Variants in IL31RA observed in about 807,000 individuals in gnomAD.
IL31RA encodes interleukin-31 receptor subunit alpha.
In IL31RA, 66 loss-of-function variants were observed where a neutral mutation model predicts 83.7. That is an observed-to-expected ratio of 0.79 (90% CI 0.65 to 0.97). The LOEUF is 0.97. IL31RA is among the 50% of genes least tolerant of loss of function. The pLI, the probability that IL31RA is intolerant of heterozygous loss-of-function variation, is 0.00. For synonymous variants in IL31RA, 325 were observed against 329.0 expected, an observed-to-expected ratio of 0.99 and a Z score of 0.13; for missense variants, 798 against 919.4, an observed-to-expected ratio of 0.87 and a Z score of 1.71.
intron 2 of IL31RA, among the ~76,000 whole-genome samples, chr5:55,860,857 A>G (rs1041083187): frequency 1.3e-5 from 2 of 152,106 alleles, no homozygotes; most frequent in African/African-American, 2.4e-5. Flanking sequence ...ACAGAAATTT[A>G]TTTTCTCACG....
intron 8 of IL31RA, among the ~76,000 whole-genome samples, chr5:55,900,380 A>T (rs1048369145): frequency 6.6e-6 from 1 of 152,218 alleles, no homozygotes; most frequent in Non-Finnish European, 1.5e-5. Flanking sequence ...AAAGCCATAC[A>T]CCTAGAAGTT....
intron 13 of IL31RA, among the ~76,000 whole-genome samples, chr5:55,914,042 G>A (rs1580747981): frequency 6.6e-6 from 1 of 152,354 alleles, no homozygotes; most frequent in Non-Finnish European, 1.5e-5. Context: ...GCAGTGTTGA[G>A]GGTCTGGCTG....
intron 1 of IL31RA, among the ~76,000 whole-genome samples, chr5:55,853,757 T>C (rs1440066181): frequency 6.6e-6 from 1 of 152,186 alleles, no homozygotes; most frequent in Non-Finnish European, 1.5e-5. Context: ...GAGATCAGAA[T>C]GGAGAATCAT....
chr5:55,891,125 A>C (rs1309184360), intron 6 of IL31RA, among the ~76,000 whole-genome samples: 2 of 152,128 alleles, frequency 1.3e-5, no homozygotes, highest in Non-Finnish European at 2.9e-5. Flanking sequence ...TTATCCTCCT[A>C]CTATTATTTT....
rs1289014083 is a variant in IL31RA, at chr5:55,893,832, G to T, written c.773-2518G>T. Among the ~76,000 whole-genome samples, 9 of 121,588 alleles carry T rather than the reference G, an allele frequency of 7.4e-5. No individual in the cohort carries two copies. The East Asian group carries it at 1.6e-3, about 22-fold the overall frequency. The allele number at this position is 121,588 out of a possible 152,430, so 79.8% of individuals were successfully genotyped here. A position where few individuals can be genotyped will look rare whatever the true frequency, so the allele number is the denominator to read the frequency against. On this transcript the variant is annotated intron_variant, in intron 6 of 14. Transcript: ENST00000652347. ...TAATTTTTTTTTTTTTTTTTTTTGA[G>T]ACGGGGTCTCACTCTGTCACCCAGA...
intron 4 of IL31RA, among the ~76,000 whole-genome samples, chr5:55,874,045 T>C (rs1746688944): frequency 6.6e-6 from 1 of 152,028 alleles, no homozygotes; most frequent in Non-Finnish European, 1.5e-5. Flanking sequence ...TATTGATCCA[T>C]TTTGAGTTAA....
At chr5:55,906,583 T>A (rs1749174038) in intron 9 of IL31RA, among the ~76,000 whole-genome samples, 1 of 152,138 alleles carries the variant, frequency 6.6e-6, no homozygotes, top group South Asian at 2.1e-4. Context: ...CATGGATAAC[T>A]CCAGAATGTG....
chr5:55,906,433 G>A (rs896810716), intron 9 of IL31RA, 145 bp downstream of exon 9: 17 of 817,416 alleles, frequency 2.1e-5, no homozygotes, highest in African/African-American at 1.4e-4. Context: ...GAAGTGACAC[G>A]CTTCTTGGTA....
At chr5:55,855,944 T>C (rs1488318676) in intron 1 of IL31RA, among the ~76,000 whole-genome samples, 2 of 152,244 alleles carry the variant, frequency 1.3e-5, no homozygotes, top group African/African-American at 4.8e-5. Flanking sequence ...TAACCCAGGC[T>C]GGGGTGCAGT....
chr5:55,865,388 G>T (rs1293800705), intron 2 of IL31RA, among the ~76,000 whole-genome samples: 2 of 152,102 alleles, frequency 1.3e-5, no homozygotes, highest in South Asian at 4.1e-4. Context: ...AGCGAGAAAA[G>T]TTGACACAAC....
chr5:55,853,819 T>A (rs1483933928), intron 1 of IL31RA, among the ~76,000 whole-genome samples: 3 of 152,170 alleles, frequency 2.0e-5, no homozygotes, highest in African/African-American at 7.2e-5. Flanking sequence ...TGGATTTATC[T>A]TTCAGGAAAC....
rs551588864 is a variant in IL31RA, at chr5:55,910,597, A to C, written c.1567A>C (p.Ile523Leu). ...GTCCCTGAAACGAAAGACCTCTTAC[A>C]TTGTTCAGGTCATGGCCAGCACCAG... ...LESLKRKTSYIVQVMASTSAG... is the reference protein window; with the variant it reads ...LESLKRKTSYLVQVMASTSAG... The change falls in exon 12 of 15, where the codon ATT becomes CTT. Residue 523 changes from isoleucine (I) to leucine (L), a missense_variant. By Grantham distance (5) the Ile-to-Leu change is conservative. Coordinates refer to ENST00000652347, the MANE Select transcript of IL31RA (RefSeq NM_139017.7). 1 of 1,614,090 alleles carries C rather than the reference A, an allele frequency of 6.2e-7. No individual in the cohort carries two copies. The highest frequency in any genetic ancestry group is 8.5e-7 in the Non-Finnish European group (1 of 1,179,958).
At position 55,878,376 on chromosome 5, in the gene IL31RA, T is replaced by C. The variant is rs191476785; in HGVS notation, c.455-4668T>C. On this transcript the variant is annotated intron_variant, in intron 4 of 14. Coordinates refer to ENST00000652347, the MANE Select transcript of IL31RA (RefSeq NM_139017.7). ...GACAGTTTCTGTGGATTTGTTTTGT[T>C]TACTTAAATGGGCCATGTTTTCCTG... Among the ~76,000 whole-genome samples, 350 of 152,318 alleles carry C rather than the reference T, an allele frequency of 2.3e-3. 1 individual carries two copies. Among genetic ancestry groups the C allele is most frequent in the African/African-American group, 7.6e-3 (314 of 41,564 alleles).
At position 55,890,023 on chromosome 5, in the gene IL31RA, C is replaced by A. The variant is rs1233438256; in HGVS notation, c.660C>A (p.Leu220=). ...AGGATAAAAACCAAACGTACAACCT[C>A]ACGGGGCTGCAGCCTTTTACAGAAT... ...NRKDKNQTYN[L]TGLQPFTEYV... is the part of the protein sequence containing the mutation. The change falls in exon 6 of 15, where the codon CTC becomes CTA. Residue 220 remains leucine (L), a synonymous_variant. Transcript: ENST00000652347. The A allele has an allele frequency of 6.2e-7, 1 of 1,613,920 alleles. No homozygotes were observed. The highest frequency in any genetic ancestry group is 2.2e-5 in the East Asian group (1 of 44,892).
rs111693133 is a variant in IL31RA, at chr5:55,921,683, G to A, written c.*4563G>A. ...GTGAGCTTGATTTTGTCAATTTATC[G>A]GGAATAGTTAATGAAACTTTATAGT... On this transcript the variant is annotated 3_prime_UTR_variant, in exon 15 of 15. Coordinates refer to ENST00000652347, the MANE Select transcript of IL31RA (RefSeq NM_139017.7). 4.6e-5 allele frequency among the ~76,000 whole-genome samples: 7 copies of A among 152,174 alleles called. No individual in the cohort carries two copies. Among genetic ancestry groups the A allele is most frequent in the African/African-American group, 9.6e-5 (4 of 41,516 alleles).
Position 55,868,675 on chromosome 5 carries a change from C to G in IL31RA, c.155-116C>G. On this transcript the variant is annotated intron_variant, in intron 2 of 14. Transcript: ENST00000652347. ...TTGCTAGGTTACACCTAGCAACTAA[C>G]CAAAAAAATCTAGCTTTTGATCAGC... The G allele has an allele frequency of 3.9e-6, 3 of 778,936 alleles. No individual in the cohort carries two copies. The Admixed American group carries it at 5.1e-5, about 13-fold the overall frequency. 48.3% of individuals were successfully genotyped at this position (778,936 alleles called of 1,614,324 possible).
chr5:55,896,619 C>G (rs1287801537), intron 7 of IL31RA, among the ~76,000 whole-genome samples, 190 bp downstream of exon 7: 1 of 39,960 alleles, frequency 2.5e-5, no homozygotes, highest in Non-Finnish European at 5.0e-5. Flanking sequence ...CACCTTCCCC[C>G]TGCCCACTCC....
chr5:55,915,572 A>G (rs1278997319), intron 14 of IL31RA, among the ~76,000 whole-genome samples: 2 of 152,202 alleles, frequency 1.3e-5, no homozygotes, highest in Non-Finnish European at 2.9e-5. Context: ...AATCCTTGTT[A>G]CTGAAAGGCT....
rs1438617502 is a variant in IL31RA at position 55,851,529 on chromosome 5, G to C, written c.-42G>C. 1 of 1,613,950 alleles carries C rather than the reference G, an allele frequency of 6.2e-7. No individual in the cohort carries two copies. The highest frequency in any genetic ancestry group is 1.1e-5 in the South Asian group (1 of 91,072). ...CATGTGTGTGCAGTATGAAAATTGA[G>C]ACAGGAAGGCAGAGTGTCAGCTTGT... On this transcript the variant is annotated 5_prime_UTR_variant, in exon 1 of 15. Coordinates refer to ENST00000652347, the MANE Select transcript of IL31RA (RefSeq NM_139017.7).
Sources: gnomAD v4.1 joint callset for allele counts (sites outside exome capture counted in the v4.1 genomes callset) on GRCh38, gnomAD v4.1.1 for gene constraint, MANE v1.5 for transcripts, NCBI Gene and HGNC (gene_info 2026-07-23, HGNC 2026-07-21) for gene names.